The following CECR2 variants were observed in gnomAD, a reference collection of about 807,000 sequenced individuals.
The protein encoded by CECR2 is CECR2 histone acetyl-lysine reader, also known as chromatin remodeling regulator CECR2.
CECR2 carries 30 observed loss-of-function variants against 154.5 expected under a neutral mutation model. The ratio of observed to expected loss-of-function variants is 0.19; its 90% confidence interval spans 0.15 to 0.26. The LOEUF (loss-of-function observed/expected upper bound fraction) is 0.26. CECR2 is among the 10% of genes least tolerant of loss of function. The pLI is 1.00. For missense variants in CECR2, 1,743 were observed against 1,829.3 expected (o/e 0.95, Z 0.86); for synonymous variants, 725 against 683.7 (o/e 1.06, Z -0.94).
chr22:17,375,920 A>C (rs943007662), intron 1 of CECR2, among the ~76,000 whole-genome samples: 1 of 151,178 alleles, frequency 6.6e-6, no homozygotes, highest in East Asian at 1.9e-4. Context: ...GCGCCATTGC[A>C]CTCCAGCCTG....
rs576369057 is a variant in CECR2 at position 17,543,383 on chromosome 22, G to A, written c.2860+380G>A. ...TCTCGTGACCTTGTGACCTGCCCCC[G>A]TCGGCCTCCCAAAGTACTGGGATTA... On this transcript the variant is annotated intron_variant, in intron 16 of 18. Transcript: ENST00000262608. 7.9e-5 allele frequency among the ~76,000 whole-genome samples: 12 copies of A among 151,780 alleles called. No individual in the cohort carries two copies. In the East Asian group the frequency reaches 1.6e-3, roughly 20 times the overall value.
chr22:17,397,021 A>G (rs556082395), intron 1 of CECR2, among the ~76,000 whole-genome samples: 7 of 152,292 alleles, frequency 4.6e-5, no homozygotes, highest in African/African-American at 1.4e-4. Context: ...AATCTGTGGC[A>G]GTTAGTGGGT....
At chr22:17,441,307 A>T (rs1207772354) in intron 1 of CECR2, among the ~76,000 whole-genome samples, 6 of 152,138 alleles carry the variant, frequency 3.9e-5, no homozygotes, top group Admixed American at 3.9e-4. Context: ...TGTTGTTGGG[A>T]ATCTGGGATG....
At chr22:17,472,493 T>A (rs1164232394) in intron 1 of CECR2, among the ~76,000 whole-genome samples, 1 of 152,222 alleles carries the variant, frequency 6.6e-6, no homozygotes, top group East Asian at 1.9e-4. Flanking sequence ...TTGACAGAGA[T>A]ACTACGTAGT....
At chr22:17,550,941 CAAA>C (rs556526060) in intron 17 of CECR2, among the ~76,000 whole-genome samples, 1 of 145,136 alleles carries the variant, frequency 6.9e-6, no homozygotes, top group Non-Finnish European at 1.5e-5. Flanking sequence ...GACTCTGTCT[CAAA>C]AAAAAAAAGT....
At chr22:17,379,061 A>G (rs5992679) in intron 1 of CECR2, among the ~76,000 whole-genome samples, 11,327 of 152,022 alleles carry the variant, frequency 0.075, 1,056 homozygotes, top group African/African-American at 0.22. Context: ...GGTTCAAGCA[A>G]TTCTCCTGCC....
At chr22:17,404,174 T>A (rs895594687) in intron 1 of CECR2, among the ~76,000 whole-genome samples, 1 of 148,604 alleles carries the variant, frequency 6.7e-6, no homozygotes, top group Admixed American at 6.8e-5. Flanking sequence ...CAGAAGAATC[T>A]CTTGAACCCA....
At position 17,539,257 on chromosome 22, in the gene CECR2, A is replaced by G. The variant is rs1442560422; in HGVS notation, c.1495+138A>G. 23 of 925,460 alleles carry G rather than the reference A, an allele frequency of 2.5e-5. 1 individual carries two copies. In the South Asian group the frequency reaches 3.2e-4, roughly 13 times the overall value. The allele number at this position is 925,460 out of a possible 1,614,324, so 57.3% of individuals were successfully genotyped here. On this transcript the variant is annotated intron_variant, in intron 13 of 18. Transcript: ENST00000262608. ...TGTATGAAAAGTCATGGGATTGACCATTCCAGCCACTTATACAGTGTCTGC... is the reference window on the plus strand; with the variant it reads ...TGTATGAAAAGTCATGGGATTGACCGTTCCAGCCACTTATACAGTGTCTGC...
intron 5 of CECR2, among the ~76,000 whole-genome samples, chr22:17,501,966 C>G (rs1221024973): frequency 2.0e-5 from 3 of 152,124 alleles, no homozygotes; most frequent in Non-Finnish European, 4.4e-5. Flanking sequence ...CTGGTTCACG[C>G]TGGCCACGTT....
intron 1 of CECR2, among the ~76,000 whole-genome samples, chr22:17,379,117 C>T (rs147376082): frequency 1.5e-3 from 222 of 152,128 alleles, no homozygotes; most frequent in African/African-American, 5.1e-3. Flanking sequence ...CCACCACACC[C>T]GGCTAATTTT....
At chr22:17,466,689 G>T (rs535261882) in intron 1 of CECR2, among the ~76,000 whole-genome samples, 1 of 151,442 alleles carries the variant, frequency 6.6e-6, no homozygotes, top group African/African-American at 2.4e-5. Flanking sequence ...GCACCTCCCG[G>T]GTTCAAGCAA....
At chr22:17,421,577 T>C (rs571175436) in intron 1 of CECR2, among the ~76,000 whole-genome samples, 5 of 120,528 alleles carry the variant, frequency 4.1e-5, no homozygotes, top group South Asian at 5.5e-4. Context: ...ATCCCGCCAC[T>C]GCACTCCAGC....
intron 1 of CECR2, among the ~76,000 whole-genome samples, chr22:17,398,599 T>G (rs2053848033): frequency 2.0e-5 from 3 of 152,214 alleles, no homozygotes; most frequent in Admixed American, 2.0e-4. Flanking sequence ...ACAGTGCTTC[T>G]GTGACACTGG....
chr22:17,447,921 C>T (rs8142627), intron 1 of CECR2, among the ~76,000 whole-genome samples: 2,399 of 151,844 alleles, frequency 0.016, 66 homozygotes, highest in African/African-American at 0.055. Context: ...CTATGTGGCT[C>T]GTGGCTGCTG....
At chr22:17,411,113 C>G (rs537592715) in intron 1 of CECR2, among the ~76,000 whole-genome samples, 6 of 152,346 alleles carry the variant, frequency 3.9e-5, no homozygotes, top group African/African-American at 1.4e-4. Context: ...TTTGTCATGA[C>G]TGGCCGTGTA....
chr22:17,365,007 C>T (rs2062994302), upstream of CECR2, among the ~76,000 whole-genome samples: 1 of 152,030 alleles, frequency 6.6e-6, no homozygotes, highest in African/African-American at 2.4e-5. Flanking sequence ...GGTGGATCAC[C>T]TGAGGTCGGG....
At chr22:17,435,707 A>AC (rs532951715) in intron 1 of CECR2, among the ~76,000 whole-genome samples, 1,465 of 144,458 alleles carry the variant, frequency 0.01, 63 homozygotes, top group African/African-American at 0.037. Context: ...AAAAAAAAAA[A>AC]AAACAGGAGC....
At chr22:17,378,281 CTGTTTTTTTGTTTTTT>C (rs200487932) in intron 1 of CECR2, among the ~76,000 whole-genome samples, 2 of 148,002 alleles carry the variant, frequency 1.4e-5, no homozygotes, top group African/African-American at 2.5e-5. Context: ...CCGCGCTGGG[CTGTTTTTTTGTTTTTT>C]TGTTTTTTTG....
rs2056767117 is a variant in CECR2, at chr22:17,555,853, T to TA, written c.*3014dup. Reference sequence around the variant, plus strand: ...AGCTGAGATCGTGGAGAATGGGAAATACCATTGCATCTCTTTGATTTAACA... The same window carrying TA: ...AGCTGAGATCGTGGAGAATGGGAAATAACCATTGCATCTCTTTGATTTAACA... On this transcript the variant is annotated 3_prime_UTR_variant, in exon 19 of 19. Transcript: ENST00000262608. The TA allele has an allele frequency of 6.6e-6, 1 of 152,110 alleles. No individual in the cohort carries two copies. Among genetic ancestry groups the TA allele is most frequent in the Non-Finnish European group, 1.5e-5 (1 of 68,020 alleles). The allele number at this position is 152,110 out of a possible 1,614,324, so 9.4% of individuals were successfully genotyped here. A position where few individuals can be genotyped will look rare whatever the true frequency, so the allele number is the denominator to read the frequency against.
Sources: gnomAD v4.1 joint callset for allele counts (sites outside exome capture counted in the v4.1 genomes callset) on GRCh38, gnomAD v4.1.1 for gene constraint, MANE v1.5 for transcripts, NCBI Gene and HGNC (gene_info 2026-07-23, HGNC 2026-07-21) for gene names.